Variants in FMOD observed in about 807,000 individuals in gnomAD.
The protein encoded by FMOD is fibromodulin, also known as KSPG fibromodulin.
Under a neutral mutation model 27.0 loss-of-function variants are expected in FMOD, and 15 were observed. The observed-to-expected ratio is 0.55, with a 90% confidence interval of 0.37 to 0.85. FMOD has a LOEUF of 0.85. FMOD is among the 40% of genes least tolerant of loss of function. The pLI, the probability that FMOD is intolerant of heterozygous loss-of-function variation, is 0.00. For synonymous variants in FMOD, 210 were observed against 214.0 expected (o/e 0.98, Z 0.16); for missense variants, 460 against 483.2 (o/e 0.95, Z 0.45).
At position 203,347,594 on chromosome 1, in the gene FMOD, A is replaced by G; in HGVS notation, c.677T>C (p.Ile226Thr). 6.2e-7 allele frequency: 1 copy of G among 1,614,198 alleles called. No individual in the cohort carries two copies. Residue 226 changes from isoleucine (I) to threonine (T), a missense_variant, in exon 2 of 3, where the codon ATC becomes ACC. Coordinates refer to ENST00000354955, the MANE Select transcript of FMOD (RefSeq NM_002023.5). ...GTGGTTATAACTCAGGTCCAGCAAG[A>G]TCAGTGACCGGAGGCCCCTCATGGA... Reference protein sequence around the residue: ...GSSMRGLRSLILLDLSYNHLR... With the variant: ...GSSMRGLRSLTLLDLSYNHLR...
chr1:203,342,722 C>T (rs951376451), intron 2 of FMOD, among the ~76,000 whole-genome samples: 5 of 152,150 alleles, frequency 3.3e-5, no homozygotes, highest in Non-Finnish European at 5.9e-5. Flanking sequence ...TAACCACCAA[C>T]CTGAACTTTA....
rs764995093 is a variant in FMOD at position 203,347,721 on chromosome 1, C to T, written c.550G>A (p.Asp184Asn). 18 of 1,613,760 alleles carry T rather than the reference C, an allele frequency of 1.1e-5. No individual in the cohort carries two copies. The highest frequency in any genetic ancestry group is 5.5e-5 in the South Asian group (5 of 91,060). Reference protein sequence around the residue: ...LPRSLRELHLDHNQISRVPNN... With the variant: ...LPRSLRELHLNHNQISRVPNN... ...GGGACCCGTGAGATCTGGTTGTGGT[C>T]GAGATGGAGCTCTCTCAGGGATCGA... Residue 184 changes from aspartate (D) to asparagine (N), a missense_variant, in exon 2 of 3, where the codon GAC becomes AAC. Asp to Asn is a conservative substitution (Grantham distance 23). Transcript: ENST00000354955.
chr1:203,347,704 T>A lies in FMOD; in HGVS notation c.567A>T (p.Ser189=). The A allele has an allele frequency of 6.2e-7, 1 of 1,614,018 alleles. No individual in the cohort carries two copies. Among genetic ancestry groups the A allele is most frequent in the Non-Finnish European group, 8.5e-7 (1 of 1,179,998 alleles). ...RELHLDHNQI[S]RVPNNALEGL... Reference sequence around the variant, plus strand: ...CCTCCAGAGCATTGTTGGGGACCCGTGAGATCTGGTTGTGGTCGAGATGGA... The same window carrying A: ...CCTCCAGAGCATTGTTGGGGACCCGAGAGATCTGGTTGTGGTCGAGATGGA... The change falls in exon 2 of 3, where the codon TCA becomes TCT. Residue 189 remains serine (S), a synonymous_variant. Transcript: ENST00000354955.
At chr1:203,344,439 G>T (rs1325375242) in intron 2 of FMOD, among the ~76,000 whole-genome samples, 3 of 152,266 alleles carry the variant, frequency 2.0e-5, no homozygotes, top group Admixed American at 6.5e-5. Flanking sequence ...AGGCTTCTGC[G>T]TGGAGGCACT....
At chr1:203,348,877 G>T (rs1224961798) in intron 1 of FMOD, among the ~76,000 whole-genome samples, 2 of 152,212 alleles carry the variant, frequency 1.3e-5, no homozygotes, top group Non-Finnish European at 2.9e-5. Flanking sequence ...TTGGGGAGGA[G>T]TGTGGTCCCT....
chr1:203,348,162 T>C lies in FMOD; in HGVS notation c.109A>G (p.Thr37Ala). ...TAAGGGTCATAGGGATCGTAGTAGG[T>C]GGACTGCTGGCTGCGGAGGTAGTGG... The part of the protein sequence containing the change: ...WFHYLRSQQS[T>A]YYDPYDPYPY... The change falls in exon 2 of 3, where the codon ACC becomes GCC. Residue 37 changes from threonine (T) to alanine (A), a missense_variant. By Grantham distance (58) the Thr-to-Ala change is moderately conservative. Coordinates refer to ENST00000354955, the MANE Select transcript of FMOD (RefSeq NM_002023.5). The C allele has an allele frequency of 6.2e-7, 1 of 1,614,048 alleles. No homozygotes were observed. Among genetic ancestry groups the C allele is most frequent in the South Asian group, 1.1e-5 (1 of 91,080 alleles).
chr1:203,350,134 G>A (rs1261062717), intron 1 of FMOD, among the ~76,000 whole-genome samples: 1 of 152,218 alleles, frequency 6.6e-6, no homozygotes, highest in Non-Finnish European at 1.5e-5. Flanking sequence ...TGGCAGACAA[G>A]AGCCACCTTC....
At chr1:203,350,466 G>A (rs75675978) in intron 1 of FMOD, among the ~76,000 whole-genome samples, 1 of 152,012 alleles carries the variant, frequency 6.6e-6, no homozygotes, top group African/African-American at 2.4e-5. Context: ...AGTGGAGAAG[G>A]TCAAGCCAGA....
intron 2 of FMOD, among the ~76,000 whole-genome samples, chr1:203,342,737 G>T (rs983064782): frequency 6.6e-6 from 1 of 151,974 alleles, no homozygotes; most frequent in Non-Finnish European, 1.5e-5. Flanking sequence ...ACTTTACTCT[G>T]CAGGCCCAGG....
Position 203,347,912 on chromosome 1 carries a change from A to G in FMOD, c.359T>C (p.Ile120Thr), listed in dbSNP as rs200111599. The G allele has an allele frequency of 6.2e-7, 1 of 1,613,176 alleles. No individual in the cohort carries two copies. Among genetic ancestry groups the G allele is most frequent in the East Asian group, 2.2e-5 (1 of 44,838 alleles). Residue 120 changes from isoleucine to threonine, a missense_variant, in exon 2 of 3, where the codon ATC becomes ACC. Transcript: ENST00000354955. ...GGCATTGTCAAAGACGCCTTCCTGG[A>G]TGGAGGTGATCTGGTTGTTCTGGAA... ...VYFQNNQITS[I>T]QEGVFDNATG... is the part of the protein sequence containing the mutation.
chr1:203,345,956 G>T (rs1027597972), intron 2 of FMOD, among the ~76,000 whole-genome samples: 13 of 148,060 alleles, frequency 8.8e-5, no homozygotes, highest in African/African-American at 2.7e-4. Context: ...GGAATAAAAA[G>T]ACCCCAAAGA....
chr1:203,349,726 G>C (rs997175273), intron 1 of FMOD, among the ~76,000 whole-genome samples: 3 of 152,236 alleles, frequency 2.0e-5, no homozygotes, highest in Admixed American at 2.0e-4. Flanking sequence ...CCAGTGAACT[G>C]ATGGGAAAGA....
At position 203,342,487 on chromosome 1, in the gene FMOD, G is replaced by A; in HGVS notation, c.987C>T (p.Ser329=). ...CCACCACGGTGCAGAAGCTGCTGATGGAGAACTCTGTGGGGACAAGAGGAG... is the reference window on the plus strand; with the variant it reads ...CCACCACGGTGCAGAAGCTGCTGATAGAGAACTCTGTGGGGACAAGAGGAG... ...YLQGNRINEF[S]ISSFCTVVDV... Residue 329 remains serine, a synonymous_variant, in exon 3 of 3, where the codon TCC becomes TCT. Coordinates refer to ENST00000354955, the MANE Select transcript of FMOD (RefSeq NM_002023.5). 2 of 1,613,720 alleles carry A rather than the reference G, an allele frequency of 1.2e-6. No individual in the cohort carries two copies. The highest frequency in any genetic ancestry group is 1.1e-5 in the South Asian group (1 of 91,014).
chr1:203,347,451 G>A lies in FMOD; in HGVS notation c.820C>T (p.Arg274Trp), dbSNP rs200924838. The change falls in exon 2 of 3, where the codon CGG becomes TGG. Residue 274 changes from arginine (R) to tryptophan (W), a missense_variant. Arg to Trp is a moderately radical substitution (Grantham distance 101). Coordinates refer to ENST00000354955, the MANE Select transcript of FMOD (RefSeq NM_002023.5). The part of the protein sequence containing the change: ...FRGAPKLLYV[R>W]LSHNSLTNNG... ...TTGGTTAGACTGTTGTGGGACAGCCGCACATACAGCAGCTTGGGCGCCCCC... is the reference window on the plus strand; with the variant it reads ...TTGGTTAGACTGTTGTGGGACAGCCACACATACAGCAGCTTGGGCGCCCCC... The A allele has an allele frequency of 2.5e-6, 4 of 1,614,182 alleles. No homozygotes were observed. The highest frequency in any genetic ancestry group is 1.3e-5 in the African/African-American group (1 of 75,038).
rs746249888 is a variant in FMOD at position 203,348,290 on chromosome 1, G to T, written c.-7-13C>A. The T allele has an allele frequency of 6.2e-7, 1 of 1,604,684 alleles. No individual in the cohort carries two copies. Among genetic ancestry groups the T allele is most frequent in the Non-Finnish European group, 8.5e-7 (1 of 1,175,368 alleles). On this transcript the variant is annotated splice_polypyrimidine_tract_variant and intron_variant, in intron 1 of 2. Transcript: ENST00000354955. ...CTGCATTTTGTCTCTGCAAGAAGCGGGAGAGAACAGAGCAAGCCAGCATGA... is the reference window on the plus strand; with the variant it reads ...CTGCATTTTGTCTCTGCAAGAAGCGTGAGAGAACAGAGCAAGCCAGCATGA...
chr1:203,347,261 C>T (rs181938022), intron 2 of FMOD, 31 bp downstream of exon 2: 345 of 1,567,426 alleles, frequency 2.2e-4, no homozygotes, highest in Middle Eastern at 1.0e-3. Flanking sequence ...AATAGACAGC[C>T]AGTCCCCGCC....
At chr1:203,345,386 C>T (rs1382658722) in intron 2 of FMOD, among the ~76,000 whole-genome samples, 1 of 152,182 alleles carries the variant, frequency 6.6e-6, no homozygotes, top group Non-Finnish European at 1.5e-5. Flanking sequence ...CCAACTTTCT[C>T]TGATTGTATG....
Position 203,342,411 on chromosome 1 carries a change from T to C in FMOD, c.1063A>G (p.Ile355Val). The C allele has an allele frequency of 6.2e-7, 1 of 1,614,052 alleles. No homozygotes were observed. The highest frequency in any genetic ancestry group is 8.5e-7 in the Non-Finnish European group (1 of 1,180,004). The change falls in exon 3 of 3, where the codon ATC becomes GTC. Residue 355 changes from isoleucine (I) to valine (V), a missense_variant. By Grantham distance (29) the Ile-to-Val change is conservative. Transcript: ENST00000354955. The part of the protein sequence containing the change: ...LQVLRLDGNE[I>V]KRSAMPADAP... ...TCGGCAGGCATGGCGCTGCGCTTGA[T>C]CTCGTTCCCGTCCAGGCGCAGCACC...
chr1:203,347,222 T>C (rs908562416), intron 2 of FMOD, 70 bp downstream of exon 2: 1 of 1,512,734 alleles, frequency 6.6e-7, no homozygotes, highest in Non-Finnish European at 8.9e-7. Context: ...GTTTTGCCAC[T>C]AGCACTCAGA....
Sources: gnomAD v4.1 joint callset for allele counts (sites outside exome capture counted in the v4.1 genomes callset) on GRCh38, gnomAD v4.1.1 for gene constraint, MANE v1.5 for transcripts, NCBI Gene and HGNC (gene_info 2026-07-23, HGNC 2026-07-21) for gene names.